IL17RA: variants seen among roughly 807,000 people sequenced by gnomAD.
IL17RA encodes interleukin 17 receptor A.
A neutral mutation model predicts 50.4 loss-of-function variants in IL17RA; 34 were observed. That is an observed-to-expected ratio of 0.67 (90% CI 0.51 to 0.90). The LOEUF (loss-of-function observed/expected upper bound fraction) is 0.90. IL17RA is among the 40% of genes least tolerant of loss of function. The pLI, the probability that IL17RA is intolerant of heterozygous loss-of-function variation, is 0.00. For synonymous variants in IL17RA, 585 were observed against 510.4 expected, an observed-to-expected ratio of 1.15 and a Z score of -1.97; for missense variants, 1,276 against 1,169.8, an observed-to-expected ratio of 1.09 and a Z score of -1.32.
intron 2 of IL17RA, 112 bp from the exon 3 acceptor site, chr22:17,097,685 G>A: frequency 1.5e-6 from 2 of 1,340,296 alleles, no homozygotes; most frequent in Admixed American, 1.8e-5. Flanking sequence ...GCCACAGGCT[G>A]GAAGGCCGCG....
chr22:17,105,822 CGCA>C (rs775417077), intron 10 of IL17RA, 28 bp from the exon 11 acceptor site: 17 of 1,553,248 alleles, frequency 1.1e-5, no homozygotes, highest in African/African-American at 1.5e-5. Context: ...CAGGCCCCGC[CGCA>C]TCACTCACGC....
intron 5 of IL17RA, among the ~76,000 whole-genome samples, 185 bp downstream of exon 5, chr22:17,100,666 C>T (rs531173512): frequency 1.6e-4 from 25 of 152,346 alleles, no homozygotes; most frequent in Non-Finnish European, 3.2e-4. Flanking sequence ...CCTCCATTCC[C>T]TGAGGCAGAG....
chr22:17,105,947 G>A lies in IL17RA; in HGVS notation c.1038G>A (p.Arg346=). The A allele has an allele frequency of 2.5e-6, 4 of 1,613,942 alleles. No homozygotes were observed. Among genetic ancestry groups the A allele is most frequent in the Non-Finnish European group, 3.4e-6 (4 of 1,179,914 alleles). ...VILLIVCMTW[R]LAGPGSEKYS... is the part of the protein sequence containing the mutation. ...TGCTCATCGTCTGCATGACCTGGAG[G>A]CTAGCTGGTAAGCGCTGGGGCTCTG... The change falls in exon 11 of 13, where the codon AGG becomes AGA. Residue 346 remains arginine (R), a synonymous_variant. Transcript: ENST00000319363.
intron 8 of IL17RA, 62 bp from the exon 9 acceptor site, chr22:17,104,664 T>C (rs1236194321): frequency 1.2e-5 from 17 of 1,471,992 alleles, no homozygotes; most frequent in Non-Finnish European, 1.6e-5. Flanking sequence ...TTGCCGCTGC[T>C]GGCTGGAAGG....
chr22:17,097,639 G>A (rs754259244), intron 2 of IL17RA, 158 bp from the exon 3 acceptor site: 4 of 736,946 alleles, frequency 5.4e-6, no homozygotes, highest in Non-Finnish European at 9.1e-6. Flanking sequence ...TTAGAGAAGA[G>A]GGAGCAGGGC....
At chr22:17,088,996 A>C (rs911071633) in intron 1 of IL17RA, among the ~76,000 whole-genome samples, 1 of 151,812 alleles carries the variant, frequency 6.6e-6, no homozygotes, top group Non-Finnish European at 1.5e-5. Flanking sequence ...GGGTTTCACC[A>C]TGTTGGCCAG....
At chr22:17,088,919 C>T (rs1002636953) in intron 1 of IL17RA, among the ~76,000 whole-genome samples, 5 of 152,198 alleles carry the variant, frequency 3.3e-5, no homozygotes, top group Admixed American at 1.3e-4. Context: ...CCTCAACCTC[C>T]CAAGTAGCTG....
Position 17,097,667 on chromosome 22 carries a change from G to A in IL17RA, c.164-130G>A, listed in dbSNP as rs779587208. 2.4e-5 allele frequency: 25 copies of A among 1,063,520 alleles called. No homozygotes were observed. The East Asian group carries it at 2.7e-4, about 12-fold the overall frequency. 65.9% of individuals were successfully genotyped at this position (1,063,520 alleles called of 1,614,324 possible). A position where few individuals can be genotyped will look rare whatever the true frequency, so the allele number is the denominator to read the frequency against. The stretch of plus-strand genomic sequence containing the variant: ...AGCAGGGCAGTAAAGCTGAGGACGC[G>A]GCCAAGGGCCACAGGCTGGAAGGCC... On this transcript the variant is annotated intron_variant, in intron 2 of 12. Coordinates refer to ENST00000319363, the MANE Select transcript of IL17RA (RefSeq NM_014339.7).
intron 4 of IL17RA, 109 bp downstream of exon 4, chr22:17,098,996 GA>G (rs2061379858): frequency 2.7e-5 from 24 of 885,670 alleles, no homozygotes; most frequent in Non-Finnish European, 4.5e-5. Flanking sequence ...CAGAGGTGCT[GA>G]GGGAGTCTGT....
intron 5 of IL17RA, 117 bp downstream of exon 5, chr22:17,100,598 C>A: frequency 7.6e-7 from 1 of 1,318,100 alleles, no homozygotes; most frequent in Non-Finnish European, 1.1e-6. Flanking sequence ...TTGCCAGCAC[C>A]TGGGACCCAC....
chr22:17,108,945 G>A lies in IL17RA; in HGVS notation c.1726G>A (p.Asp576Asn). ...CCGCGCCGCCCTGGACAGGTTCCGG[G>A]ACTGGCAGGTCCGCTGTCCCGACTG... ...QLRAALDRFRDWQVRCPDWFE... is the reference protein window; with the variant it reads ...QLRAALDRFRNWQVRCPDWFE... The change falls in exon 13 of 13, where the codon GAC becomes AAC. Residue 576 changes from aspartate (D) to asparagine (N), a missense_variant. Transcript: ENST00000319363. 6.2e-7 allele frequency: 1 copy of A among 1,609,414 alleles called. No individual in the cohort carries two copies. Among genetic ancestry groups the A allele is most frequent in the Non-Finnish European group, 8.5e-7 (1 of 1,179,042 alleles).
rs570479303 is a variant in IL17RA, at chr22:17,106,811, G to A, written c.1045+857G>A. On this transcript the variant is annotated intron_variant, in intron 11 of 12. Transcript: ENST00000319363. ...TTCCAATAACATTCAGTAGCATCTC[G>A]GCCAGTGCTCCACAGGCGGTGCAGC... Among the ~76,000 whole-genome samples, 380 of 152,306 alleles carry A rather than the reference G, an allele frequency of 2.5e-3. 1 individual carries two copies. Among genetic ancestry groups the A allele is most frequent in the African/African-American group, 8.6e-3 (358 of 41,562 alleles).
chr22:17,099,178 G>T (rs1245112544), intron 4 of IL17RA, among the ~76,000 whole-genome samples: 1 of 152,182 alleles, frequency 6.6e-6, no homozygotes, highest in Admixed American at 6.5e-5. Flanking sequence ...AGTTGAATTG[G>T]AAGGCAGCTT....
intron 1 of IL17RA, 130 bp from the exon 2 acceptor site, chr22:17,096,932 T>A: frequency 1.2e-6 from 1 of 826,944 alleles, no homozygotes; most frequent in Admixed American, 1.7e-5. Flanking sequence ...CTCATCCTAT[T>A]CCCCAAAAAG....
In IL17RA at chr22:17,111,523, T is replaced by C. The variant is rs866065515; in HGVS notation, c.*1703T>C. ...GAAAAGAGGCTCTGAAGCCAGTGTT[T>C]GAAGAATTTGTTCCTGAAGTACCTC... On this transcript the variant is annotated 3_prime_UTR_variant, in exon 13 of 13. Transcript: ENST00000319363. The C allele has an allele frequency of 1.2e-4, 19 of 152,168 alleles. No homozygotes were observed. The highest frequency in any genetic ancestry group is 4.6e-4 in the African/African-American group (19 of 41,420). The allele number at this position is 152,168 out of a possible 1,614,324, so 9.4% of individuals were successfully genotyped here.
intron 4 of IL17RA, among the ~76,000 whole-genome samples, chr22:17,099,339 G>A (rs1177046445): frequency 1.3e-5 from 2 of 152,186 alleles, no homozygotes; most frequent in African/African-American, 4.8e-5. Context: ...CAACAGCTTA[G>A]TCTCATTTTG....
At chr22:17,096,595 G>A (rs530117178) in intron 1 of IL17RA, among the ~76,000 whole-genome samples, 2 of 152,212 alleles carry the variant, frequency 1.3e-5, no homozygotes, top group African/African-American at 2.4e-5. Flanking sequence ...CCTGTGCCGG[G>A]CGCGGTGGCT....
At position 17,110,835 on chromosome 22, in the gene IL17RA, TAAA is replaced by T. The variant is rs1035578673; in HGVS notation, c.*1019_*1021del. On this transcript the variant is annotated 3_prime_UTR_variant, in exon 13 of 13. Transcript: ENST00000319363. ...GAGTGAGACCCTGTCTCAAAAAAAA[TAAA>T]AAAGTAGAAAGATGGAGTGGAAGCC... 1.3e-5 allele frequency: 2 copies of T among 151,950 alleles called. No homozygotes were observed. The highest frequency in any genetic ancestry group is 2.4e-5 in the African/African-American group (1 of 41,230). 9.4% of individuals were successfully genotyped at this position (151,950 alleles called of 1,614,324 possible).
At chr22:17,100,141 TAAA>T (rs35718705) in intron 4 of IL17RA, among the ~76,000 whole-genome samples, 2,946 of 121,510 alleles carry the variant, frequency 0.024, 105 homozygotes, top group East Asian at 0.18. Flanking sequence ...GATCCAGGTT[TAAA>T]AAAAAAAAAA....
Sources: allele counts gnomAD v4.1 joint callset (sites outside exome capture counted in the v4.1 genomes callset), GRCh38; gene constraint gnomAD v4.1.1; transcripts MANE v1.5; gene names NCBI Gene and HGNC (gene_info 2026-07-23, HGNC 2026-07-21).